The following CRADD variants were observed in gnomAD, a reference collection of about 807,000 sequenced individuals.
CRADD encodes death domain-containing protein CRADD.
CRADD carries 9 observed loss-of-function variants against 15.5 expected under a neutral mutation model. The ratio of observed to expected loss-of-function variants is 0.58; its 90% CI spans 0.35 to 1.01. CRADD has a LOEUF of 1.01. CRADD is among the 50% of genes least tolerant of loss of function. The pLI is 0.02. For synonymous variants in CRADD, 118 were observed against 107.6 expected (o/e 1.10, Z -0.60); for missense variants, 227 against 250.3 (o/e 0.91, Z 0.63).
intron 2 of CRADD, among the ~76,000 whole-genome samples, chr12:93,787,175 G>A (rs2450199): frequency 1.5e-5 from 2 of 137,874 alleles, no homozygotes; most frequent in African/African-American, 5.5e-5. Flanking sequence ...TTTATTCTTA[G>A]AAGGTGGATT....
intron 2 of CRADD, among the ~76,000 whole-genome samples, chr12:93,725,613 A>C (rs1231252926): frequency 6.6e-6 from 1 of 152,222 alleles, no homozygotes; most frequent in Non-Finnish European, 1.5e-5. Flanking sequence ...TATATAAGAG[A>C]TTCAGATTTT....
At chr12:93,693,224 A>G (rs1192686108) in intron 2 of CRADD, among the ~76,000 whole-genome samples, 1 of 152,200 alleles carries the variant, frequency 6.6e-6, no homozygotes, top group Non-Finnish European at 1.5e-5. Context: ...ACGAAATGGC[A>G]GAAGCAAGAC....
intron 2 of CRADD, among the ~76,000 whole-genome samples, chr12:93,718,050 A>G (rs946955806): frequency 2.6e-5 from 4 of 152,162 alleles, no homozygotes; most frequent in African/African-American, 4.8e-5. Context: ...CTGTTCTTCT[A>G]CCGATATCAC....
chr12:93,876,430 C>A (rs1472766223), intron 2 of CRADD, among the ~76,000 whole-genome samples: 1 of 152,078 alleles, frequency 6.6e-6, no homozygotes, highest in African/African-American at 2.4e-5. Context: ...CTTTCTCTAC[C>A]TCCTATTTAA....
At chr12:93,869,812 A>G (rs1958402952) in intron 2 of CRADD, among the ~76,000 whole-genome samples, 1 of 152,184 alleles carries the variant, frequency 6.6e-6, no homozygotes, top group Non-Finnish European at 1.5e-5. Flanking sequence ...TAGGGAAATA[A>G]TAAGCAATCT....
At chr12:93,683,511 A>G (rs1445030811) in intron 2 of CRADD, among the ~76,000 whole-genome samples, 1 of 152,182 alleles carries the variant, frequency 6.6e-6, no homozygotes, top group Non-Finnish European at 1.5e-5. Flanking sequence ...CTAAGCTGAC[A>G]CTTGCTTCAA....
rs1490969208 is a variant in CRADD at position 93,850,033 on chromosome 12, A to C, written c.362A>C (p.Asn121Thr). 1 of 1,611,244 alleles carries C rather than the reference A, an allele frequency of 6.2e-7. No homozygotes were observed. The highest frequency in any genetic ancestry group is 8.5e-7 in the Non-Finnish European group (1 of 1,177,446). ...LNSSPSDRQINQLAQRLGPEW... is the reference protein window; with the variant it reads ...LNSSPSDRQITQLAQRLGPEW... ...AGCTCCCCATCAGACCGGCAGATTA[A>C]CCAGCTGGCCCAGAGGCTGGGCCCT... The change falls in exon 3 of 3, where the codon AAC becomes ACC. Residue 121 changes from asparagine (N) to threonine (T), a missense_variant. Asn to Thr is a moderately conservative substitution (Grantham distance 65). Transcript: ENST00000332896. This position sits in a 1 kb window ranked among gnomAD's most constrained non-coding sequence, Gnocchi z 4.0.
At chr12:93,679,324 T>C (rs1251578209) in intron 2 of CRADD, among the ~76,000 whole-genome samples, 1 of 151,990 alleles carries the variant, frequency 6.6e-6, no homozygotes, top group Admixed American at 6.6e-5. Context: ...GTATTTTTAG[T>C]AGAGATGGGG....
At position 93,856,305 on chromosome 12, in the gene CRADD, T is replaced by C. The variant is rs17021639; in HGVS notation, c.299-37745T>C. ...TTGGGGTGGATTCTGATCTAACAGT[T>C]GTCTACCATTAAATGAATAACTACA... On this transcript the variant is annotated intron_variant, in intron 2 of 2. Coordinates refer to the CRADD transcript ENST00000548483. 3.1e-3 allele frequency among the ~76,000 whole-genome samples: 474 copies of C among 152,348 alleles called. 2 individuals are homozygous for C. The highest frequency in any genetic ancestry group is 0.01 in the African/African-American group (429 of 41,586).
At chr12:93,801,526 G>A (rs1041110982) in intron 2 of CRADD, among the ~76,000 whole-genome samples, 1 of 151,976 alleles carries the variant, frequency 6.6e-6, no homozygotes, top group Admixed American at 6.5e-5. Context: ...AGCCTCCTGA[G>A]TAGCTGGGAT....
intron 2 of CRADD, among the ~76,000 whole-genome samples, chr12:93,738,862 AAAGG>A (rs1287803920): frequency 7.2e-5 from 11 of 152,234 alleles, no homozygotes; most frequent in Non-Finnish European, 1.3e-4. Flanking sequence ...AGAAACGAGG[AAAGG>A]AAGGAAGGAA....
chr12:93,800,464 A>G (rs1334250374), intron 2 of CRADD, among the ~76,000 whole-genome samples: 2 of 152,116 alleles, frequency 1.3e-5, no homozygotes, highest in Non-Finnish European at 2.9e-5. Flanking sequence ...CCCATGTGTT[A>G]GGGAGGGACC....
At chr12:93,682,660 G>C (rs1182114167) in intron 2 of CRADD, among the ~76,000 whole-genome samples, 1 of 152,076 alleles carries the variant, frequency 6.6e-6, no homozygotes, top group Non-Finnish European at 1.5e-5. Flanking sequence ...CTTATGTGCT[G>C]GATGTAATTT....
chr12:93,847,583 A>G (rs760587512), intron 2 of CRADD, among the ~76,000 whole-genome samples: 17 of 150,894 alleles, frequency 1.1e-4, no homozygotes, highest in African/African-American at 4.1e-4. Context: ...AGGAGTAGAA[A>G]AGCCACAGAT....
At chr12:93,731,217 G>T (rs1384057099) in intron 2 of CRADD, among the ~76,000 whole-genome samples, 1 of 152,108 alleles carries the variant, frequency 6.6e-6, no homozygotes, top group Non-Finnish European at 1.5e-5. Flanking sequence ...TTTTTCTGCA[G>T]TATTTATTGG....
chr12:93,689,859 G>A (rs1033391647), intron 2 of CRADD, among the ~76,000 whole-genome samples: 1 of 152,206 alleles, frequency 6.6e-6, no homozygotes, highest in Non-Finnish European at 1.5e-5. Context: ...GAGCGTATCT[G>A]CAGTGACTTG....
exon 3 of CRADD, chr12:93,894,278 G>A: frequency 1.8e-6 from 1 of 558,854 alleles, no homozygotes; most frequent in South Asian, 1.9e-5. Flanking sequence ...GGGTGGGCGG[G>A]GGGCAGGGGA....
Position 93,721,317 on chromosome 12 carries a change from C to G in CRADD, c.298+42245C>G, listed in dbSNP as rs531189098. 3.3e-5 allele frequency among the ~76,000 whole-genome samples: 5 copies of G among 152,228 alleles called. 1 individual carries two copies. The highest frequency in any genetic ancestry group is 1.2e-4 in the African/African-American group (5 of 41,538). On this transcript the variant is annotated intron_variant, in intron 2 of 2. Transcript: ENST00000332896. ...CTCATCCAAGACCAATTTCAAATAACTCTGTACTAATACATGGGCAGTGTA... is the reference window on the plus strand; with the variant it reads ...CTCATCCAAGACCAATTTCAAATAAGTCTGTACTAATACATGGGCAGTGTA...
At chr12:93,848,132 C>A (rs941143731) in intron 2 of CRADD, among the ~76,000 whole-genome samples, 14 of 151,520 alleles carry the variant, frequency 9.2e-5, no homozygotes, top group African/African-American at 3.4e-4. Flanking sequence ...TTCTTCTTTG[C>A]GCTGTTTTCT....
Sources: allele counts gnomAD v4.1 joint callset (sites outside exome capture counted in the v4.1 genomes callset), GRCh38; gene constraint gnomAD v4.1.1; non-coding constraint Gnocchi (gnomAD v3.1); transcripts MANE v1.5; gene names NCBI Gene and HGNC (gene_info 2026-07-23, HGNC 2026-07-21).